Variants in ARHGAP20 observed in about 807,000 individuals in gnomAD.
The protein encoded by ARHGAP20 is rho GTPase-activating protein 20.
ARHGAP20 carries 34 observed loss-of-function variants against 73.7 expected under a neutral mutation model. The observed-to-expected ratio is 0.46, with a 90% CI of 0.35 to 0.61. The LOEUF is 0.61. ARHGAP20 is among the 20% of genes least tolerant of loss of function. The pLI is 0.00. For synonymous variants in ARHGAP20, 523 were observed against 518.2 expected (o/e 1.01, Z -0.13); for missense variants, 1,314 against 1,420.9 (o/e 0.92, Z 1.21).
chr11:110,630,865 A>C, intron 2 of ARHGAP20, 73 bp from the exon 3 acceptor site: 2 of 1,476,792 alleles, frequency 1.4e-6, no homozygotes, highest in East Asian at 4.6e-5. Flanking sequence ...AAAATTCTGT[A>C]ATTTTTTTTA....
intron 2 of ARHGAP20, among the ~76,000 whole-genome samples, chr11:110,635,501 A>G (rs1282069257): frequency 2.0e-5 from 3 of 152,144 alleles, no homozygotes; most frequent in Non-Finnish European, 1.5e-5. Flanking sequence ...CCAAGTAAGT[A>G]TAAGTAGTTT....
chr11:110,709,355 C>T (rs537468503), intron 1 of ARHGAP20, among the ~76,000 whole-genome samples: 4 of 152,328 alleles, frequency 2.6e-5, no homozygotes, highest in African/African-American at 4.8e-5. Flanking sequence ...ATAGCAGACA[C>T]TATTCTAGGT....
intron 2 of ARHGAP20, among the ~76,000 whole-genome samples, chr11:110,689,709 C>T (rs894582149): frequency 6.6e-6 from 1 of 152,002 alleles, no homozygotes; most frequent in Non-Finnish European, 1.5e-5. Flanking sequence ...TTAACCATTT[C>T]GCTAAAGTAT....
chr11:110,669,742 A>G (rs1044087204), intron 2 of ARHGAP20, among the ~76,000 whole-genome samples: 3 of 152,168 alleles, frequency 2.0e-5, no homozygotes, highest in African/African-American at 7.2e-5. Context: ...CACATTAGAA[A>G]ATAATTTGGC....
chr11:110,653,670 C>T (rs1156751874), intron 2 of ARHGAP20, among the ~76,000 whole-genome samples: 1 of 152,158 alleles, frequency 6.6e-6, no homozygotes, highest in African/African-American at 2.4e-5. Flanking sequence ...GTGGCAATTC[C>T]TCAAACACCT....
At position 110,706,688 on chromosome 11, in the gene ARHGAP20, G is replaced by C. The variant is rs531072152; in HGVS notation, c.105+5439C>G. On this transcript the variant is annotated intron_variant, in intron 1 of 14. Coordinates refer to ENST00000683387, the MANE Select transcript of ARHGAP20 (RefSeq NM_001384657.1). ...TGACCCATAAAAACCAACCTTGTGA[G>C]AGGTGCAGGATAGGGGTCATTACCC... is the stretch of plus-strand genomic sequence containing the variant. Among the ~76,000 whole-genome samples the C allele has an allele frequency of 2.0e-5, 3 of 152,224 alleles. No individual in the cohort carries two copies. The South Asian group carries it at 6.2e-4, about 32-fold the overall frequency.
chr11:110,586,490 T>C (rs920905519), intron 11 of ARHGAP20, among the ~76,000 whole-genome samples, 165 bp from the exon 12 acceptor site: 1 of 152,186 alleles, frequency 6.6e-6, no homozygotes, highest in African/African-American at 2.4e-5. Flanking sequence ...CACAGAAACA[T>C]GTACTTTGAT....
At chr11:110,700,169 G>A (rs1950416272) in intron 1 of ARHGAP20, among the ~76,000 whole-genome samples, 2 of 152,040 alleles carry the variant, frequency 1.3e-5, no homozygotes, top group Middle Eastern at 6.8e-3. Context: ...GGAACTGGAT[G>A]AAAGATTAAA....
intron 1 of ARHGAP20, chr11:110,711,815 G>C: frequency 7.6e-7 from 1 of 1,323,272 alleles, no homozygotes; most frequent in South Asian, 2.1e-5. Flanking sequence ...TACAGCCCGC[G>C]CGCCTAGACT....
rs186118336 is a variant in ARHGAP20 at position 110,605,472 on chromosome 11, G to A, written c.964+1089C>T. Among the ~76,000 whole-genome samples, 160 of 152,300 alleles carry A rather than the reference G, an allele frequency of 1.1e-3. 1 individual carries two copies. Among genetic ancestry groups the A allele is most frequent in the African/African-American group, 3.5e-3 (145 of 41,568 alleles). On this transcript the variant is annotated intron_variant, in intron 9 of 14. Transcript: ENST00000683387. ...AGAAATTAACTTTAAATGCATTAGA[G>A]AAGGTTCTGTTTAAAACAATCTTGG...
At chr11:110,690,203 T>C (rs900410380) in intron 2 of ARHGAP20, among the ~76,000 whole-genome samples, 1 of 152,204 alleles carries the variant, frequency 6.6e-6, no homozygotes, top group African/African-American at 2.4e-5. Context: ...TCACTTTGTG[T>C]TGATTTAAAA....
chr11:110,681,347 T>C (rs911924186), intron 2 of ARHGAP20, among the ~76,000 whole-genome samples: 1 of 152,122 alleles, frequency 6.6e-6, no homozygotes. Context: ...TTCCAAAAAG[T>C]CTGGTAACTT....
chr11:110,675,065 A>G (rs1949904502), intron 2 of ARHGAP20, among the ~76,000 whole-genome samples: 1 of 152,172 alleles, frequency 6.6e-6, no homozygotes, highest in Non-Finnish European at 1.5e-5. Context: ...ACTTCTAAGT[A>G]TCTCTATTTT....
chr11:110,694,415 TA>T (rs1950298742), intron 1 of ARHGAP20, among the ~76,000 whole-genome samples: 1 of 151,726 alleles, frequency 6.6e-6, no homozygotes, highest in South Asian at 2.1e-4. Flanking sequence ...CCTCTGCAGT[TA>T]TATTCAGTAT....
At chr11:110,584,977 ATATG>A (rs879735211) in intron 12 of ARHGAP20, among the ~76,000 whole-genome samples, 167 of 136,504 alleles carry the variant, frequency 1.2e-3, no homozygotes, top group Non-Finnish European at 2.2e-3. Context: ...ATATGAATAT[ATATG>A]TGAAAATATA....
chr11:110,620,925 T>G (rs1263513031), intron 4 of ARHGAP20, among the ~76,000 whole-genome samples: 1 of 151,754 alleles, frequency 6.6e-6, no homozygotes, highest in African/African-American at 2.4e-5. Context: ...TACAAAAAAA[T>G]TAGCTGGGCG....
intron 9 of ARHGAP20, among the ~76,000 whole-genome samples, chr11:110,596,211 T>C (rs942121649): frequency 1.3e-5 from 2 of 151,850 alleles, no homozygotes; most frequent in African/African-American, 4.9e-5. Flanking sequence ...ACCTAGGCAA[T>C]ACCATTCAGG....
rs1464583860 is a variant in ARHGAP20 at position 110,592,112 on chromosome 11, G to A, written c.1008C>T (p.Asn336=). 6.2e-7 allele frequency: 1 copy of A among 1,614,164 alleles called. No homozygotes were observed. The highest frequency in any genetic ancestry group is 1.7e-5 in the Admixed American group (1 of 60,022). Reference sequence around the variant, plus strand: ...TGCTAGAACCTCGCCAGAAGGCCCAGTTTATGATAGATCTTCTCCTTTTAA... The same window carrying A: ...TGCTAGAACCTCGCCAGAAGGCCCAATTTATGATAGATCTTCTCCTTTTAA... ...KTFKRRRSII[N]WAFWRGSSTH... is the part of the protein sequence containing the mutation. The change falls in exon 10 of 15, where the codon AAC becomes AAT. Residue 336 remains asparagine, a synonymous_variant. Coordinates refer to ENST00000683387, the MANE Select transcript of ARHGAP20 (RefSeq NM_001384657.1).
chr11:110,586,367 C>G, intron 11 of ARHGAP20, 42 bp from the exon 12 acceptor site: 5 of 1,259,052 alleles, frequency 4.0e-6, no homozygotes, highest in Non-Finnish European at 5.6e-6. Context: ...TAATTATCCT[C>G]ATGCCAAATA....
Sources: gnomAD v4.1 joint callset for allele counts (sites outside exome capture counted in the v4.1 genomes callset) on GRCh38, gnomAD v4.1.1 for gene constraint, MANE v1.5 for transcripts, NCBI Gene and HGNC (gene_info 2026-07-23, HGNC 2026-07-21) for gene names.